The following CACNB2 variants were observed in gnomAD, a reference collection of about 807,000 sequenced individuals.
The protein encoded by CACNB2 is voltage-dependent L-type calcium channel subunit beta-2.
Under a neutral mutation model 73.3 loss-of-function variants are expected in CACNB2, and 42 were observed. The observed-to-expected ratio is 0.57, with a 90% confidence interval of 0.45 to 0.74. The LOEUF (loss-of-function observed/expected upper bound fraction) is 0.74, where lower values mean the gene tolerates loss of function less well. Ranked by LOEUF, CACNB2 falls within the 30% of genes least tolerant of loss-of-function variation. The pLI is 0.00. For synonymous variants in CACNB2, 348 were observed against 310.3 expected (o/e 1.12, Z -1.28); for missense variants, 940 against 853.0 (o/e 1.10, Z -1.27).
At chr10:18,297,876 C>G (rs1588972362) in intron 2 of CACNB2, among the ~76,000 whole-genome samples, 1 of 152,172 alleles carries the variant, frequency 6.6e-6, no homozygotes, top group Non-Finnish European at 1.5e-5. Context: ...GTGCTTCCTC[C>G]TGGGTTGGGC....
At chr10:18,221,702 C>T (rs2035799041) in intron 2 of CACNB2, among the ~76,000 whole-genome samples, 1 of 152,050 alleles carries the variant, frequency 6.6e-6, no homozygotes, top group African/African-American at 2.4e-5. Flanking sequence ...AAAATGAAAA[C>T]CTTTGTGTTC....
At chr10:18,254,631 T>C (rs1408219330) in intron 2 of CACNB2, among the ~76,000 whole-genome samples, 1 of 152,210 alleles carries the variant, frequency 6.6e-6, no homozygotes, top group African/African-American at 2.4e-5. Context: ...GAGAAAGGTT[T>C]TCAGTTCTGT....
chr10:18,444,382 C>T (rs943000689), intron 3 of CACNB2, among the ~76,000 whole-genome samples: 1 of 152,188 alleles, frequency 6.6e-6, no homozygotes, highest in Non-Finnish European at 1.5e-5. Flanking sequence ...GTGTGTCCTT[C>T]AGCAAGTTAC....
chr10:18,248,125 A>G (rs2036939621), intron 2 of CACNB2, among the ~76,000 whole-genome samples: 1 of 152,222 alleles, frequency 6.6e-6, no homozygotes, highest in Non-Finnish European at 1.5e-5. Context: ...CTACCAAACT[A>G]GAAAAGAGAA....
intron 2 of CACNB2, among the ~76,000 whole-genome samples, chr10:18,318,791 G>A (rs1310203788): frequency 6.6e-6 from 1 of 152,100 alleles, no homozygotes; most frequent in Non-Finnish European, 1.5e-5. Context: ...GTGGGCCAAG[G>A]ATATAAACAG....
intron 2 of CACNB2, among the ~76,000 whole-genome samples, chr10:18,338,738 CTTTTTT>C (rs553402190): frequency 9.8e-6 from 1 of 102,446 alleles, no homozygotes; most frequent in South Asian, 3.6e-4. Context: ...TCCTTCTTTC[CTTTTTT>C]TTTTTTTTTT....
At chr10:18,442,528 T>A (rs1285648297) in intron 3 of CACNB2, among the ~76,000 whole-genome samples, 1 of 151,760 alleles carries the variant, frequency 6.6e-6, no homozygotes, top group Non-Finnish European at 1.5e-5. Context: ...AGATAATGCT[T>A]CTCTAAGAAA....
At chr10:18,441,470 A>G (rs937614504) in intron 3 of CACNB2, among the ~76,000 whole-genome samples, 6 of 152,158 alleles carry the variant, frequency 3.9e-5, no homozygotes, top group African/African-American at 7.2e-5. Context: ...TTTTTCATCA[A>G]CTTTTGCTGG....
chr10:18,499,805 T>A (rs1476388306), intron 4 of CACNB2, among the ~76,000 whole-genome samples: 17 of 117,812 alleles, frequency 1.4e-4, no homozygotes, highest in South Asian at 2.9e-4. Flanking sequence ...ACCCCATCTC[T>A]AAAAAAAAAA....
chr10:18,512,175 C>T (rs371571713), intron 6 of CACNB2, among the ~76,000 whole-genome samples: 1 of 152,110 alleles, frequency 6.6e-6, no homozygotes, highest in East Asian at 1.9e-4. Flanking sequence ...CAAAGCTAAA[C>T]CTTTCATTTT....
At chr10:18,446,386 A>G (rs1000500831) in intron 3 of CACNB2, among the ~76,000 whole-genome samples, 7 of 152,298 alleles carry the variant, frequency 4.6e-5, no homozygotes, top group African/African-American at 1.4e-4. Flanking sequence ...GCTGGAGTAA[A>G]TGTTCAAGAG....
intron 2 of CACNB2, among the ~76,000 whole-genome samples, chr10:18,315,134 C>A (rs747774440): frequency 6.6e-6 from 1 of 152,188 alleles, no homozygotes; most frequent in South Asian, 2.1e-4. Flanking sequence ...GAGTTCGAGA[C>A]CAGCCTGGCC....
In CACNB2 at chr10:18,342,839, T is replaced by C. The variant is rs150807924; in HGVS notation, c.214-59085T>C. Among the ~76,000 whole-genome samples, 723 of 152,178 alleles carry C rather than the reference T, an allele frequency of 4.8e-3. 6 individuals carry two copies. Among genetic ancestry groups the C allele is most frequent in the African/African-American group, 0.016 (681 of 41,564 alleles). On this transcript the variant is annotated intron_variant, in intron 2 of 13. Coordinates refer to ENST00000324631, the MANE Select transcript of CACNB2 (RefSeq NM_201596.3). ...TTTAAATTATACATATGTATATTTA[T>C]ATATGTATATTTATATGTGCCTGTA...
intron 3 of CACNB2, among the ~76,000 whole-genome samples, chr10:18,487,704 G>A (rs979966248): frequency 2.0e-5 from 3 of 151,986 alleles, no homozygotes; most frequent in Non-Finnish European, 2.9e-5. Context: ...GCATGTTGGC[G>A]GGCGCCTATA....
At chr10:18,437,397 A>C (rs6482437) in intron 3 of CACNB2, among the ~76,000 whole-genome samples, 137,840 of 152,224 alleles carry the variant, frequency 0.91, 62,712 homozygotes, top group African/African-American at 0.98. Context: ...TTTGACTCCT[A>C]AAAAAACCAA....
intron 3 of CACNB2, among the ~76,000 whole-genome samples, chr10:18,424,918 A>T (rs1333031881): frequency 6.6e-6 from 1 of 152,168 alleles, no homozygotes; most frequent in East Asian, 1.9e-4. Flanking sequence ...GGAAGCATTT[A>T]TCCGTGTCTC....
intron 2 of CACNB2, among the ~76,000 whole-genome samples, chr10:18,282,002 AG>A (rs1554783411): frequency 1.5e-5 from 2 of 133,018 alleles, no homozygotes; most frequent in Admixed American, 7.6e-5. Flanking sequence ...AAAAAAAAAA[AG>A]GGGGAAATAA....
chr10:18,260,753 G>A, intron 2 of CACNB2: 1 of 1,001,166 alleles, frequency 1.0e-6, no homozygotes, highest in Non-Finnish European at 1.2e-6. Flanking sequence ...TAGGCGAGCA[G>A]CCGCGGGAGC....
chr10:18,275,958 A>T (rs2038268997), intron 2 of CACNB2, among the ~76,000 whole-genome samples: 1 of 152,218 alleles, frequency 6.6e-6, no homozygotes, highest in African/African-American at 2.4e-5. Context: ...GAGTGGTGAA[A>T]CTTTGTTCAG....
Sources: allele counts gnomAD v4.1 joint callset (sites outside exome capture counted in the v4.1 genomes callset), GRCh38; gene constraint gnomAD v4.1.1; transcripts MANE v1.5; gene names NCBI Gene and HGNC (gene_info 2026-07-23, HGNC 2026-07-21).